The following COG3 variants were observed in gnomAD, a reference collection of about 807,000 sequenced individuals.
The protein encoded by COG3 is component of oligomeric golgi complex 3, also known as conserved oligomeric Golgi complex subunit 3.
In COG3, 32 loss-of-function variants were observed where a neutral mutation model predicts 114.1. The observed-to-expected ratio is 0.28, with a 90% CI of 0.21 to 0.38. The LOEUF (loss-of-function observed/expected upper bound fraction) is 0.38, where lower values mean the gene tolerates loss of function less well. Among genes scored for constraint, COG3 ranks in the 10% least tolerant of loss-of-function variants. The probability of loss-of-function intolerance (pLI) is 1.00; values close to 1 mark genes in which losing one functional copy is unlikely to be tolerated. For synonymous variants in COG3, 352 were observed against 365.7 expected, an observed-to-expected ratio of 0.96 and a Z score of 0.43; for missense variants, 813 against 973.2, an observed-to-expected ratio of 0.84 and a Z score of 2.19.
At chr13:45,497,783 C>CAACAACAACAACA (rs1566255742) in intron 13 of COG3, among the ~76,000 whole-genome samples, 1 of 29,712 alleles carries the variant, frequency 3.4e-5, no homozygotes, top group East Asian at 9.9e-4. Flanking sequence ...CAGACCCTGT[C>CAACAACAACAACA]TCAACAACAA....
At chr13:45,469,069 T>C (rs969827142) in intron 1 of COG3, among the ~76,000 whole-genome samples, 2 of 152,238 alleles carry the variant, frequency 1.3e-5, no homozygotes, top group African/African-American at 4.8e-5. Context: ...TTATGGCTTC[T>C]CTCTTGCTTG....
rs185213638 is a variant in COG3 at position 45,523,288 on chromosome 13, A to G, written c.2155-1688A>G. ...CCTCTGAAGTGTTGTTAATTTCTTC[A>G]GTAACACTATAAACTTAAATTTTTT... On this transcript the variant is annotated intron_variant, in intron 19 of 22. Coordinates refer to ENST00000349995, the MANE Select transcript of COG3 (RefSeq NM_031431.4). 2.0e-4 allele frequency among the ~76,000 whole-genome samples: 31 copies of G among 152,220 alleles called. No homozygotes were observed. The East Asian group carries it at 4.2e-3, about 21-fold the overall frequency.
At chr13:45,495,432 C>T (rs1440353116) in intron 12 of COG3, among the ~76,000 whole-genome samples, 3 of 151,996 alleles carry the variant, frequency 2.0e-5, no homozygotes, top group African/African-American at 2.4e-5. Context: ...GGCTGGAGTG[C>T]AGTGGCATGA....
At chr13:45,489,161 T>C (rs1258645455) in intron 8 of COG3, among the ~76,000 whole-genome samples, 1 of 116,248 alleles carries the variant, frequency 8.6e-6, no homozygotes, top group African/African-American at 3.5e-5. Context: ...CACTCCAGCC[T>C]GGGTGACAAA....
chr13:45,500,595 A>T (rs1049850033), intron 13 of COG3, among the ~76,000 whole-genome samples: 1 of 152,210 alleles, frequency 6.6e-6, no homozygotes, highest in Non-Finnish European at 1.5e-5. Flanking sequence ...AAAAATTGAG[A>T]AGGTGGTACA....
intron 1 of COG3, among the ~76,000 whole-genome samples, chr13:45,467,444 T>C (rs1024290282): frequency 1.3e-5 from 2 of 152,156 alleles, no homozygotes; most frequent in Non-Finnish European, 2.9e-5. Flanking sequence ...ATATAAAAAT[T>C]AGCTGGGTGT....
intron 15 of COG3, among the ~76,000 whole-genome samples, chr13:45,511,203 C>T (rs943395298): frequency 4.6e-5 from 7 of 151,716 alleles, no homozygotes; most frequent in Admixed American, 1.3e-4. Flanking sequence ...CCGCCTCCTT[C>T]AGCATTCTTT....
rs146190941 is a variant in COG3, at chr13:45,504,106, G to A, written c.1594+757G>A. The stretch of plus-strand genomic sequence containing the variant: ...CCAGCTATAAGAGTGGCCCTAAAGC[G>A]TAGCTCCCCATGGGACAACTGGGAA... On this transcript the variant is annotated intron_variant, in intron 14 of 22. Transcript: ENST00000349995. 1.7e-3 allele frequency among the ~76,000 whole-genome samples: 254 copies of A among 152,178 alleles called. 1 individual carries two copies. Among genetic ancestry groups the A allele is most frequent in the African/African-American group, 5.8e-3 (240 of 41,526 alleles).
intron 14 of COG3, 38 bp from the exon 15 acceptor site, chr13:45,509,654 A>T: frequency 6.2e-7 from 1 of 1,606,864 alleles, no homozygotes; most frequent in Non-Finnish European, 8.5e-7. Flanking sequence ...AAATATCCAC[A>T]TGTGTGAAAT....
At chr13:45,483,802 T>G (rs1380869873) in intron 7 of COG3, among the ~76,000 whole-genome samples, 1 of 152,212 alleles carries the variant, frequency 6.6e-6, no homozygotes, top group Non-Finnish European at 1.5e-5. Flanking sequence ...ACCCTTTTTT[T>G]GTATTTTTCA....
chr13:45,510,206 G>A (rs188879884), intron 15 of COG3, among the ~76,000 whole-genome samples: 42 of 152,276 alleles, frequency 2.8e-4, no homozygotes, highest in Non-Finnish European at 5.7e-4. Flanking sequence ...CCCTTACACC[G>A]CAGAGATATT....
chr13:45,497,085 TAGA>T (rs1868886246), intron 13 of COG3, among the ~76,000 whole-genome samples: 1 of 152,058 alleles, frequency 6.6e-6, no homozygotes, highest in South Asian at 2.1e-4. Flanking sequence ...TCTTTAGAAA[TAGA>T]AGAAGGTTGA....
chr13:45,480,299 G>A lies in COG3; in HGVS notation c.549+9G>A, dbSNP rs1886169190. On this transcript the variant is annotated intron_variant, in intron 4 of 22. Transcript: ENST00000349995. ...AGCTCCTAAAAGAACAGGTAATTTG[G>A]AGTAAGAGAGAGGATCAGTCATTAT... The A allele has an allele frequency of 3.8e-6, 6 of 1,575,048 alleles. No individual in the cohort carries two copies. Among genetic ancestry groups the A allele is most frequent in the East Asian group, 2.2e-5 (1 of 44,622 alleles).
intron 11 of COG3, 85 bp downstream of exon 11, chr13:45,492,335 T>C (rs1031226807): frequency 1.6e-6 from 1 of 641,244 alleles, no homozygotes; most frequent in African/African-American, 1.9e-5. Flanking sequence ...AGGAGTATTC[T>C]ATCATTAACT....
chr13:45,469,099 T>C (rs1221908465), intron 1 of COG3, among the ~76,000 whole-genome samples: 1 of 152,238 alleles, frequency 6.6e-6, no homozygotes, highest in Non-Finnish European at 1.5e-5. Flanking sequence ...AAGATGGTTT[T>C]GTATTAGAAC....
chr13:45,535,697 C>T lies in COG3; in HGVS notation c.*966C>T. The T allele has an allele frequency of 2.0e-6, 2 of 981,276 alleles. No individual in the cohort carries two copies. Among genetic ancestry groups the T allele is most frequent in the Non-Finnish European group, 2.4e-6 (2 of 828,354 alleles). 60.8% of individuals were successfully genotyped at this position (981,276 alleles called of 1,614,324 possible). A position where few individuals can be genotyped will look rare whatever the true frequency, so the allele number is the denominator to read the frequency against. On this transcript the variant is annotated 3_prime_UTR_variant, in exon 23 of 23. Coordinates refer to ENST00000349995, the MANE Select transcript of COG3 (RefSeq NM_031431.4). ...TGGACCAGCTGTGTGGATCTCTAGCCCAGCTACAGCAGAATACATTTTACC... is the reference window on the plus strand; with the variant it reads ...TGGACCAGCTGTGTGGATCTCTAGCTCAGCTACAGCAGAATACATTTTACC...
intron 22 of COG3, 177 bp downstream of exon 22, chr13:45,530,957 G>C (rs1873119909): frequency 1.0e-6 from 1 of 983,594 alleles, no homozygotes; most frequent in Non-Finnish European, 1.2e-6. Context: ...TTGGGGGATA[G>C]TTTTAGAATT....
rs552967722 is a variant in COG3 at position 45,525,439 on chromosome 13, C to G, written c.2230+388C>G. ...TTCAAGTGTATGAAGAAATGTTGGG[C>G]CACTATTTTGTTCCACATTTTGTCC... On this transcript the variant is annotated intron_variant, in intron 20 of 22. Coordinates refer to ENST00000349995, the MANE Select transcript of COG3 (RefSeq NM_031431.4). Among the ~76,000 whole-genome samples the G allele has an allele frequency of 7.2e-5, 11 of 152,086 alleles. 1 individual carries two copies. The highest frequency in any genetic ancestry group is 7.2e-4 in the Admixed American group (11 of 15,254).
Position 45,493,693 on chromosome 13 carries a change from G to A in COG3, c.1327+207G>A, listed in dbSNP as rs139427473. Reference sequence around the variant, plus strand: ...GATAGGGAAAGAATCTTAAAATCTGGGTAAAATTAGTAATAAAATAATTAT... The same window carrying A: ...GATAGGGAAAGAATCTTAAAATCTGAGTAAAATTAGTAATAAAATAATTAT... On this transcript the variant is annotated intron_variant, in intron 12 of 22. Coordinates refer to ENST00000349995, the MANE Select transcript of COG3 (RefSeq NM_031431.4). The A allele has an allele frequency of 3.8e-3, 1,316 of 345,804 alleles. 10 individuals are homozygous for A. The highest frequency in any genetic ancestry group is 0.026 in the African/African-American group (1,244 of 48,098). 21.4% of individuals were successfully genotyped at this position (345,804 alleles called of 1,614,324 possible).
Sources: gnomAD v4.1 joint callset for allele counts (sites outside exome capture counted in the v4.1 genomes callset) on GRCh38, gnomAD v4.1.1 for gene constraint, MANE v1.5 for transcripts, NCBI Gene and HGNC (gene_info 2026-07-23, HGNC 2026-07-21) for gene names.